Variants in CHL1 observed in about 807,000 individuals in gnomAD.
CHL1 encodes neural cell adhesion molecule L1-like protein.
CHL1 carries 96 observed loss-of-function variants against 141.9 expected under a neutral mutation model. The observed-to-expected ratio is 0.68, with a 90% CI of 0.57 to 0.80. CHL1 has a LOEUF of 0.80. Among genes scored for constraint, CHL1 ranks in the 30% least tolerant of loss-of-function variants. The pLI, the probability that CHL1 is intolerant of heterozygous loss-of-function variation, is 0.00. For missense variants in CHL1, 1,820 were observed against 1,457.2 expected, an observed-to-expected ratio of 1.25 and a Z score of -4.05; for synonymous variants, 613 against 502.2, an observed-to-expected ratio of 1.22 and a Z score of -2.95.
intron 2 of CHL1, among the ~76,000 whole-genome samples, chr3:307,233 T>A (rs897960807): frequency 1.3e-5 from 2 of 152,200 alleles, no homozygotes; most frequent in Non-Finnish European, 2.9e-5. Flanking sequence ...AGTCTTAGGA[T>A]GAAATTGTCC....
chr3:319,661 G>T, intron 2 of CHL1, 22 bp from the exon 3 acceptor site: 1 of 578,870 alleles, frequency 1.7e-6, no homozygotes, highest in Non-Finnish European at 3.1e-6. Flanking sequence ...GAACTAACAT[G>T]TTATTCTGTT....
intron 1 of CHL1, among the ~76,000 whole-genome samples, chr3:199,216 A>G (rs2125315825): frequency 6.6e-6 from 1 of 152,342 alleles, no homozygotes; most frequent in Admixed American, 6.5e-5. Context: ...CATTCCTTGC[A>G]AGCTCCTGAA....
intron 5 of CHL1, among the ~76,000 whole-genome samples, chr3:337,776 A>G (rs1186914961): frequency 2.0e-5 from 3 of 152,110 alleles, no homozygotes; most frequent in African/African-American, 4.8e-5. Context: ...TGTTGGTTCC[A>G]GGACATTTGG....
intron 2 of CHL1, among the ~76,000 whole-genome samples, chr3:293,704 G>A (rs1234552106): frequency 6.6e-6 from 1 of 152,112 alleles, no homozygotes; most frequent in African/African-American, 2.4e-5. Context: ...GATTCCAAAT[G>A]ATGATTGTGA....
At chr3:343,740 C>G (rs530835724) in intron 8 of CHL1, among the ~76,000 whole-genome samples, 10 of 152,100 alleles carry the variant, frequency 6.6e-5, no homozygotes, top group Non-Finnish European at 1.2e-4. Flanking sequence ...GATGTAAGCT[C>G]CTTTTGAAGA....
chr3:230,186 A>G (rs1437190699), intron 1 of CHL1, among the ~76,000 whole-genome samples: 1 of 152,226 alleles, frequency 6.6e-6, no homozygotes, highest in Non-Finnish European at 1.5e-5. Flanking sequence ...AATTCTGAGC[A>G]TTCAGTACAT....
Position 389,430 on chromosome 3 carries a change from C to A in CHL1, c.2426C>A (p.Ser809Tyr), listed in dbSNP as rs749904922. Residue 809 changes from serine to tyrosine, a missense_variant, in exon 20 of 28, where the codon TCT becomes TAT. Ser to Tyr is a moderately radical substitution (Grantham distance 144, BLOSUM62 -2). Transcript: ENST00000256509. Reference protein sequence around the residue: ...VKVQAINQLGSGPDPQSVTLY... With the variant: ...VKVQAINQLGYGPDPQSVTLY... The stretch of plus-strand genomic sequence containing the variant: ...GTCCAGGCTATCAATCAACTAGGAT[C>A]TGGGCCTGACCCTCAGTCAGTGACT... The A allele has an allele frequency of 6.2e-7, 1 of 1,614,096 alleles. No homozygotes were observed. The highest frequency in any genetic ancestry group is 1.3e-5 in the African/African-American group (1 of 74,930).
chr3:393,687 C>G (rs17037414), intron 23 of CHL1, among the ~76,000 whole-genome samples: 1 of 151,922 alleles, frequency 6.6e-6, no homozygotes, highest in African/African-American at 2.4e-5. Context: ...TGTATGAGAG[C>G]TCTATGTATA....
At chr3:309,443 T>C (rs1207227514) in intron 2 of CHL1, 1 of 148,186 alleles carries the variant, frequency 6.7e-6, no homozygotes, top group Non-Finnish European at 1.5e-5. Flanking sequence ...TCTCTTTCTT[T>C]CTTTTCTCTT....
intron 1 of CHL1, among the ~76,000 whole-genome samples, chr3:239,126 C>T (rs1325588086): frequency 6.6e-6 from 1 of 152,062 alleles, no homozygotes; most frequent in Non-Finnish European, 1.5e-5. Context: ...GGAGACTGAT[C>T]TCAAGTGTCC....
intron 4 of CHL1, among the ~76,000 whole-genome samples, chr3:327,558 G>C (rs1006014822): frequency 6.6e-6 from 1 of 151,894 alleles, no homozygotes; most frequent in Non-Finnish European, 1.5e-5. Context: ...TAAATATATA[G>C]GGTTGTTTCT....
Position 222,777 on chromosome 3 carries a change from A to G in CHL1, c.-174-21836A>G, listed in dbSNP as rs530444010. On this transcript the variant is annotated intron_variant, in intron 1 of 27. Transcript: ENST00000256509. Reference sequence around the variant, plus strand: ...GTGGATCCATCCTATTTTTATGAAGATGGGGAAAAGTCTCTTCTAACGCAT... The same window carrying G: ...GTGGATCCATCCTATTTTTATGAAGGTGGGGAAAAGTCTCTTCTAACGCAT... 2.6e-5 allele frequency among the ~76,000 whole-genome samples: 4 copies of G among 152,272 alleles called. No individual in the cohort carries two copies. The East Asian group carries it at 7.7e-4, about 29-fold the overall frequency.
At chr3:335,282 G>A (rs1258501050) in intron 5 of CHL1, among the ~76,000 whole-genome samples, 1 of 152,158 alleles carries the variant, frequency 6.6e-6, no homozygotes, top group Non-Finnish European at 1.5e-5. Flanking sequence ...AATTAAGTTC[G>A]AGGATTTTAC....
chr3:199,316 A>G (rs912596310), intron 1 of CHL1, among the ~76,000 whole-genome samples: 3 of 152,190 alleles, frequency 2.0e-5, no homozygotes, highest in African/African-American at 7.2e-5. Flanking sequence ...CTTTCAGGGT[A>G]TGTTTGTACC....
At chr3:277,736 A>T (rs989837782) in intron 2 of CHL1, among the ~76,000 whole-genome samples, 6 of 152,200 alleles carry the variant, frequency 3.9e-5, no homozygotes, top group Non-Finnish European at 1.5e-5. Context: ...TGTCTTTTCC[A>T]TATTTCCCCC....
chr3:389,533 G>A (rs554614928), intron 20 of CHL1, 59 bp downstream of exon 20: 3 of 1,303,898 alleles, frequency 2.3e-6, no homozygotes, highest in South Asian at 1.2e-5. Context: ...CAAATATATT[G>A]TACTTCAATC....
At chr3:387,373 C>T (rs1210598595) in intron 19 of CHL1, among the ~76,000 whole-genome samples, 1 of 152,144 alleles carries the variant, frequency 6.6e-6, no homozygotes, top group Non-Finnish European at 1.5e-5. Flanking sequence ...TGCCCTGGCT[C>T]CTTTTGTTCT....
At position 377,871 on chromosome 3, in the gene CHL1, A is replaced by T; in HGVS notation, c.1805A>T (p.Gln602Leu). 1 of 1,611,888 alleles carries T rather than the reference A, an allele frequency of 6.2e-7. No homozygotes were observed. The highest frequency in any genetic ancestry group is 8.5e-7 in the Non-Finnish European group (1 of 1,178,124). The change falls in exon 16 of 28, where the codon CAA (glutamine) becomes CTA (leucine). Residue 602 changes from glutamine to leucine, a missense_variant. Gln to Leu is a moderately radical substitution (Grantham distance 113). Coordinates refer to ENST00000256509, the MANE Select transcript of CHL1 (RefSeq NM_006614.4). ...LTISNVTLED[Q>L]GIYCCSAHTA... ...ATATCTAATGTAACTTTAGAGGACC[A>T]AGGTATTTACTGCTGTTCAGCTCAT...
At chr3:248,794 T>C (rs1693418630) in intron 2 of CHL1, among the ~76,000 whole-genome samples, 3 of 152,146 alleles carry the variant, frequency 2.0e-5, no homozygotes, top group Admixed American at 1.3e-4. Flanking sequence ...ATTAAATTAT[T>C]AAAGAATAAA....
Sources: allele counts gnomAD v4.1 joint callset (sites outside exome capture counted in the v4.1 genomes callset), GRCh38; gene constraint gnomAD v4.1.1; transcripts MANE v1.5; gene names NCBI Gene and HGNC (gene_info 2026-07-23, HGNC 2026-07-21).